SSH1: variants seen among roughly 807,000 people sequenced by gnomAD.
SSH1 encodes protein phosphatase Slingshot homolog 1.
In SSH1, 43 loss-of-function variants were observed where a neutral mutation model predicts 79.7. The ratio of observed to expected loss-of-function variants is 0.54; its 90% CI spans 0.42 to 0.70. SSH1 has a LOEUF of 0.70. Ranked by LOEUF, SSH1 falls within the 30% of genes least tolerant of loss-of-function variation. SSH1 has a pLI of 0.00. For missense variants in SSH1, 1,206 were observed against 1,358.8 expected, an observed-to-expected ratio of 0.89 and a Z score of 1.77; for synonymous variants, 599 against 538.3, an observed-to-expected ratio of 1.11 and a Z score of -1.56.
At chr12:108,794,808 C>A (rs560270981) in intron 13 of SSH1, among the ~76,000 whole-genome samples, 98 of 147,450 alleles carry the variant, frequency 6.6e-4, no homozygotes, top group Non-Finnish European at 1.1e-3. Flanking sequence ...TAAAGCTTTT[C>A]GGTTAAAATT....
At chr12:108,823,382 GCA>G (rs2038198300) in intron 2 of SSH1, 21 bp from the exon 3 acceptor site, 2 of 1,546,334 alleles carry the variant, frequency 1.3e-6, no homozygotes, top group Admixed American at 3.9e-5. Context: ...TAAGACCAGA[GCA>G]CAGTTAGACC....
chr12:108,798,601 T>C (rs2036851975), intron 13 of SSH1, among the ~76,000 whole-genome samples: 1 of 152,232 alleles, frequency 6.6e-6, no homozygotes, highest in Non-Finnish European at 1.5e-5. Context: ...ACCTGGTTGC[T>C]GTGCCTCTCC....
At chr12:108,813,630 T>C (rs1235454374) in intron 5 of SSH1, among the ~76,000 whole-genome samples, 2 of 148,332 alleles carry the variant, frequency 1.3e-5, no homozygotes, top group African/African-American at 5.0e-5. Context: ...GGAGAAATGA[T>C]TGATTCTGGG....
chr12:108,847,495 G>C (rs138968478), intron 2 of SSH1, among the ~76,000 whole-genome samples: 7 of 151,982 alleles, frequency 4.6e-5, no homozygotes, highest in Non-Finnish European at 8.8e-5. Context: ...ACAGAGTCTC[G>C]CTCTGTTGCC....
At chr12:108,840,477 T>C (rs2038749551) in intron 2 of SSH1, among the ~76,000 whole-genome samples, 1 of 151,294 alleles carries the variant, frequency 6.6e-6, no homozygotes, top group South Asian at 2.1e-4. Context: ...AGGTTGCAGT[T>C]AGCCGAGATC....
At chr12:108,808,888 C>T (rs1458316156) in intron 7 of SSH1, among the ~76,000 whole-genome samples, 1 of 132,182 alleles carries the variant, frequency 7.6e-6, no homozygotes, top group Admixed American at 9.2e-5. Flanking sequence ...GGCTGGAGTG[C>T]AGGGGCGTGA....
At chr12:108,818,390 T>A in intron 3 of SSH1, 77 bp from the exon 4 acceptor site, 2 of 1,323,816 alleles carry the variant, frequency 1.5e-6, no homozygotes, top group Non-Finnish European at 2.2e-6. Flanking sequence ...AAGGCTGACT[T>A]TGAGGGCTTG....
chr12:108,846,955 G>A (rs1014622444), intron 2 of SSH1, among the ~76,000 whole-genome samples: 6 of 152,022 alleles, frequency 3.9e-5, no homozygotes, highest in African/African-American at 7.3e-5. Flanking sequence ...GGAGTGCAGC[G>A]GCACAATCTC....
In SSH1 at chr12:108,799,214, A is replaced by G. The variant is rs1349943529; in HGVS notation, c.1149-14T>C. The G allele has an allele frequency of 6.2e-7, 1 of 1,606,042 alleles. No homozygotes were observed. Among genetic ancestry groups the G allele is most frequent in the African/African-American group, 1.3e-5 (1 of 74,894 alleles). ...GAATGGTTCCTCCTGCAGGGGTGGG[A>G]GCAGTTGGGGAGGAGAGATGGGGGA... is the stretch of plus-strand genomic sequence containing the variant. On this transcript the variant is annotated splice_polypyrimidine_tract_variant and intron_variant, in intron 12 of 14. Coordinates refer to ENST00000326495, the MANE Select transcript of SSH1 (RefSeq NM_018984.4).
intron 2 of SSH1, among the ~76,000 whole-genome samples, chr12:108,846,394 A>G (rs1010303147): frequency 6.6e-6 from 1 of 152,128 alleles, no homozygotes; most frequent in Admixed American, 6.5e-5. Context: ...CTCATGCCAG[A>G]CTGAGCCAGC....
At chr12:108,810,816 G>C (rs2037549540) in intron 6 of SSH1, among the ~76,000 whole-genome samples, 1 of 152,190 alleles carries the variant, frequency 6.6e-6, no homozygotes, top group African/African-American at 2.4e-5. Flanking sequence ...CTCCTTTGTG[G>C]CCCCCAGGGT....
intron 1 of SSH1, chr12:108,853,301 G>C: frequency 1.0e-6 from 1 of 985,062 alleles, no homozygotes; most frequent in Non-Finnish European, 1.2e-6. Flanking sequence ...AAATCTAAAA[G>C]GCCACGAGTT....
At chr12:108,802,414 C>T (rs773059791) in intron 10 of SSH1, 46 bp from the exon 11 acceptor site, 6 of 1,575,086 alleles carry the variant, frequency 3.8e-6, no homozygotes, top group Non-Finnish European at 4.4e-6. Flanking sequence ...ACATGTCAGC[C>T]TCAGAGCTGC....
At chr12:108,849,059 T>C (rs1566020604) in intron 2 of SSH1, among the ~76,000 whole-genome samples, 1 of 151,990 alleles carries the variant, frequency 6.6e-6, no homozygotes, top group Non-Finnish European at 1.5e-5. Flanking sequence ...GGCGGCAGAG[T>C]AGGATCAACT....
chr12:108,800,102 C>A (rs2036924581), intron 12 of SSH1, among the ~76,000 whole-genome samples: 1 of 152,194 alleles, frequency 6.6e-6, no homozygotes, highest in Non-Finnish European at 1.5e-5. Flanking sequence ...TGGTTAAGGA[C>A]ACATCATGTG....
At chr12:108,834,084 A>C (rs1019499188) in intron 2 of SSH1, 1 of 152,250 alleles carries the variant, frequency 6.6e-6, no homozygotes, top group African/African-American at 2.4e-5. Flanking sequence ...CCTAAATTTC[A>C]TTCATCTGCT....
chr12:108,844,390 G>A (rs1480724398), intron 2 of SSH1, among the ~76,000 whole-genome samples: 1 of 152,210 alleles, frequency 6.6e-6, no homozygotes, highest in Non-Finnish European at 1.5e-5. Flanking sequence ...GCTGAGTGGA[G>A]GGGACCAGTG....
rs1311642645 is a variant in SSH1, at chr12:108,788,853, CAGTG to C, written c.2281_2284del (p.His761ValfsTer11). 6.2e-7 allele frequency: 1 copy of C among 1,614,210 alleles called. No homozygotes were observed. Among genetic ancestry groups the C allele is most frequent in the Middle Eastern group, 1.6e-4 (1 of 6,062 alleles). On this transcript the variant is annotated frameshift_variant, in exon 15 of 15. Transcript: ENST00000326495. LOFTEE classifies it low-confidence loss of function (END_TRUNC). Reference sequence around the variant, plus strand: ...TTCTGTGCTGGGAGGGTTCTTATCACAGTGAGAATTCTTCAAAAGGAGGGACTTT... The same window carrying C: ...TTCTGTGCTGGGAGGGTTCTTATCACAGAATTCTTCAAAAGGAGGGACTTT...
At chr12:108,846,086 C>T (rs906047892) in intron 2 of SSH1, among the ~76,000 whole-genome samples, 1 of 151,120 alleles carries the variant, frequency 6.6e-6, no homozygotes, top group Non-Finnish European at 1.5e-5. Context: ...TGGGGGACTT[C>T]CAAGTGGAGA....
Sources: gnomAD v4.1 joint callset for allele counts (sites outside exome capture counted in the v4.1 genomes callset) on GRCh38, gnomAD v4.1.1 for gene constraint, MANE v1.5 for transcripts, NCBI Gene and HGNC (gene_info 2026-07-23, HGNC 2026-07-21) for gene names.